The following NUP188 variants were observed in gnomAD, a reference collection of about 807,000 sequenced individuals.
The protein encoded by NUP188 is nucleoporin NUP188.
A neutral mutation model predicts 223.0 loss-of-function variants in NUP188; 97 were observed. The ratio of observed to expected loss-of-function variants is 0.43; its 90% CI spans 0.37 to 0.51. NUP188 has a LOEUF of 0.51. NUP188 is among the 20% of genes least tolerant of loss of function. The pLI is 0.00. For missense variants in NUP188, 1,947 were observed against 2,175.6 expected (o/e 0.89, Z 2.09); for synonymous variants, 869 against 828.0 (o/e 1.05, Z -0.85).
chr9:128,991,892 G>A (rs758163508), intron 25 of NUP188, among the ~76,000 whole-genome samples: 2 of 148,734 alleles, frequency 1.3e-5, no homozygotes, highest in Non-Finnish European at 3.0e-5. Context: ...AGAATTCCTG[G>A]TACTGTTTTT....
chr9:128,987,754 T>C, intron 23 of NUP188, 37 bp downstream of exon 23: 1 of 1,601,590 alleles, frequency 6.2e-7, no homozygotes, highest in Non-Finnish European at 8.5e-7. Context: ...TGTCTGTCTT[T>C]ATTGTGCCTG....
chr9:129,001,564 G>A lies in NUP188; in HGVS notation c.3879G>A (p.Leu1293=). 6.2e-7 allele frequency: 1 copy of A among 1,614,002 alleles called. No homozygotes were observed. Among genetic ancestry groups the A allele is most frequent in the Non-Finnish European group, 8.5e-7 (1 of 1,180,012 alleles). ...CVLGLHLAKE[L]CEVDEDGDSW... is the part of the protein sequence containing the mutation. ...TGGGCCTGCACCTGGCCAAGGAGCT[G>A]TGTGAGGTAGACGAGGATGGTGACT... The change falls in exon 35 of 44, where the codon CTG becomes CTA. Residue 1293 remains leucine, a synonymous_variant. Transcript: ENST00000372577.
chr9:128,952,748 G>GTA, intron 2 of NUP188, 25 bp from the exon 3 acceptor site: 1 of 1,559,242 alleles, frequency 6.4e-7, no homozygotes, highest in South Asian at 1.1e-5. Context: ...TACTGCATTT[G>GTA]TATAATTACC....
intron 8 of NUP188, among the ~76,000 whole-genome samples, chr9:128,962,705 C>T (rs1484858934): frequency 1.3e-5 from 2 of 151,958 alleles, no homozygotes; most frequent in Admixed American, 1.3e-4. Flanking sequence ...TGGGCTCAAG[C>T]AGTCCTCCCG....
chr9:128,986,231 T>C (rs1407272662), intron 20 of NUP188, among the ~76,000 whole-genome samples: 1 of 152,194 alleles, frequency 6.6e-6, no homozygotes, highest in African/African-American at 2.4e-5. Flanking sequence ...GCAATCATGA[T>C]AGTGAAGTGG....
intron 8 of NUP188, among the ~76,000 whole-genome samples, chr9:128,968,246 T>TA (rs796096031): frequency 7.0e-4 from 105 of 150,260 alleles, no homozygotes; most frequent in African/African-American, 2.1e-3. Flanking sequence ...CCCTGTCTCT[T>TA]AAAAAAAAAG....
At chr9:129,003,545 C>T (rs778594909) in intron 38 of NUP188, 91 bp downstream of exon 38, 3 of 1,429,236 alleles carry the variant, frequency 2.1e-6, no homozygotes, top group South Asian at 1.1e-5. Flanking sequence ...TAGTGAATTG[C>T]AGGATGTTCC....
intron 38 of NUP188, chr9:129,004,016 G>A (rs1203642420): frequency 2.1e-5 from 4 of 194,266 alleles, no homozygotes; most frequent in Non-Finnish European, 4.1e-5. Context: ...ATAGGCTCAC[G>A]CCTGTAATCC....
intron 8 of NUP188, among the ~76,000 whole-genome samples, chr9:128,966,699 C>A (rs1340921312): frequency 6.6e-6 from 1 of 152,136 alleles, no homozygotes; most frequent in African/African-American, 2.4e-5. Flanking sequence ...CATTCTTTGT[C>A]ATTTTAGTCT....
rs558122039 is a variant in NUP188 at position 128,990,275 on chromosome 9, T to C, written c.2640+49T>C. On this transcript the variant is annotated intron_variant, in intron 25 of 43. Transcript: ENST00000372577. Reference sequence around the variant, plus strand: ...ACACTGTTTATATGAGGGTGTTTTTTTCCCCCTGATTACAAAAGACATGCT... The same window carrying C: ...ACACTGTTTATATGAGGGTGTTTTTCTCCCCCTGATTACAAAAGACATGCT... 6 of 1,413,100 alleles carry C rather than the reference T, an allele frequency of 4.2e-6. No homozygotes were observed. The South Asian group carries it at 4.6e-5, about 11-fold the overall frequency. The allele number at this position is 1,413,100 out of a possible 1,614,324, so 87.5% of individuals were successfully genotyped here. A position where few individuals can be genotyped will look rare whatever the true frequency, so the allele number is the denominator to read the frequency against.
chr9:129,005,262 T>C (rs377727239), intron 39 of NUP188, 41 bp downstream of exon 39: 1 of 1,612,906 alleles, frequency 6.2e-7, no homozygotes, highest in African/African-American at 1.3e-5. Context: ...TACCTCACGC[T>C]AGCTTCCCAA....
In NUP188 at chr9:129,006,604, T is replaced by C. The variant is rs778187731; in HGVS notation, c.5176T>C (p.Ser1726Pro). Residue 1726 changes from serine to proline, a missense_variant, in exon 44 of 44, where the codon TCC becomes CCC. Ser to Pro is a moderately conservative substitution (Grantham distance 74). This residue lies in a region of NUP188 where 905 missense variants were observed against 990.6 expected (regional missense o/e 0.91). Coordinates refer to ENST00000372577, the MANE Select transcript of NUP188 (RefSeq NM_015354.3). ...PSPQGKSTSL[S>P]KASPESQEPL... ...GCCGCAGGGCAAGTCCACCTCTCTC[T>C]CCAAAGCCAGCCCTGAGAGTCAGGA... 3.5e-5 allele frequency: 57 copies of C among 1,614,024 alleles called. No individual in the cohort carries two copies. Among genetic ancestry groups the C allele is most frequent in the Non-Finnish European group, 4.5e-5 (53 of 1,180,032 alleles).
chr9:128,983,100 C>G, intron 17 of NUP188, 72 bp downstream of exon 17: 5 of 1,585,194 alleles, frequency 3.2e-6, no homozygotes, highest in Non-Finnish European at 4.3e-6. Context: ...TTTGCAGGAA[C>G]CTGGACACAT....
chr9:129,006,303 C>T lies in NUP188; in HGVS notation c.5008C>T (p.Leu1670Phe). The T allele has an allele frequency of 6.2e-7, 1 of 1,614,182 alleles. No homozygotes were observed. Among genetic ancestry groups the T allele is most frequent in the Non-Finnish European group, 8.5e-7 (1 of 1,180,042 alleles). ...YLLISQAMRY[L>F]RDPAVHPRDK... ...GCTCATCTCTCAGGCGATGCGGTAC[C>T]TTAGGGACCCGGCTGTGCACCCCCG... The change falls in exon 43 of 44, where the codon CTT becomes TTT. Residue 1670 changes from leucine (L) to phenylalanine (F), a missense_variant. Leu to Phe is a conservative substitution (Grantham distance 22, BLOSUM62 0). This residue lies in a region of NUP188 where 905 missense variants were observed against 990.6 expected (regional missense o/e 0.91). Coordinates refer to ENST00000372577, the MANE Select transcript of NUP188 (RefSeq NM_015354.3).
chr9:128,950,628 T>A (rs1241949173), intron 2 of NUP188, among the ~76,000 whole-genome samples: 1 of 151,732 alleles, frequency 6.6e-6, no homozygotes, highest in African/African-American at 2.4e-5. Context: ...ATCAATTGAG[T>A]GCACAAGCTC....
At chr9:128,966,223 T>G (rs926154260) in intron 8 of NUP188, among the ~76,000 whole-genome samples, 3 of 149,188 alleles carry the variant, frequency 2.0e-5, no homozygotes, top group Admixed American at 6.7e-5. Flanking sequence ...TTTTTCTCCC[T>G]TTTTAAATGG....
chr9:128,980,701 A>G lies in NUP188; in HGVS notation c.1365A>G (p.Val455=). Residue 455 remains valine, a synonymous_variant, in exon 14 of 44, where the codon GTA becomes GTG. Coordinates refer to ENST00000372577, the MANE Select transcript of NUP188 (RefSeq NM_015354.3). ...SPLLQLLRAL[V]SGKSTAKKVY... is the part of the protein sequence containing the mutation. ...TCCTGCAACTGCTCCGAGCCCTGGT[A>G]TCAGGGAAGTCCACAGCCAAAAAGG... The G allele has an allele frequency of 6.2e-7, 1 of 1,614,100 alleles. No individual in the cohort carries two copies. Among genetic ancestry groups the G allele is most frequent in the Non-Finnish European group, 8.5e-7 (1 of 1,179,978 alleles).
intron 13 of NUP188, among the ~76,000 whole-genome samples, chr9:128,979,928 G>A (rs1056025574): frequency 1.6e-4 from 25 of 152,202 alleles, no homozygotes; most frequent in Non-Finnish European, 2.9e-4. Flanking sequence ...CACTGAGCCC[G>A]GCCTTCCAAC....
intron 33 of NUP188, 89 bp from the exon 34 acceptor site, chr9:128,999,535 C>G: frequency 1.4e-6 from 2 of 1,386,470 alleles, no homozygotes; most frequent in Non-Finnish European, 1.0e-6. Context: ...CCTAGTACAT[C>G]TCCAGCCCCT....
Sources: gnomAD v4.1 joint callset for allele counts (sites outside exome capture counted in the v4.1 genomes callset) on GRCh38, gnomAD v4.1.1 for gene constraint, gnomAD v4.1.1 regional missense constraint, MANE v1.5 for transcripts, NCBI Gene and HGNC (gene_info 2026-07-23, HGNC 2026-07-21) for gene names.